CNTNAP5: variants seen among roughly 807,000 people sequenced by gnomAD.
CNTNAP5 encodes the protein contactin-associated protein-like 5.
Under a neutral mutation model 150.2 loss-of-function variants are expected in CNTNAP5, and 72 were observed. The observed-to-expected ratio is 0.48, with a 90% CI of 0.40 to 0.58. The LOEUF (loss-of-function observed/expected upper bound fraction) is 0.58, where lower values mean the gene tolerates loss of function less well. CNTNAP5 is among the 20% of genes least tolerant of loss of function. The probability of loss-of-function intolerance (pLI) is 0.00; values close to 1 mark genes in which losing one functional copy is unlikely to be tolerated. For missense variants in CNTNAP5, 1,636 were observed against 1,626.2 expected (o/e 1.01, Z -0.10); for synonymous variants, 672 against 619.8 (o/e 1.08, Z -1.25).
intron 1 of CNTNAP5, among the ~76,000 whole-genome samples, chr2:124,150,551 C>G (rs908443516): frequency 2.0e-5 from 3 of 152,102 alleles, no homozygotes; most frequent in African/African-American, 7.2e-5. Context: ...GGCTGGAAGT[C>G]CATGATGAGG....
chr2:124,772,572 C>G (rs72980437), intron 16 of CNTNAP5, among the ~76,000 whole-genome samples: 1,742 of 152,240 alleles, frequency 0.011, 41 homozygotes, highest in African/African-American at 0.04. Context: ...AGGTGCCTAT[C>G]CTGTTTCCTG....
chr2:124,224,427 TTAAG>T (rs1444727289), intron 2 of CNTNAP5, among the ~76,000 whole-genome samples: 3 of 152,058 alleles, frequency 2.0e-5, no homozygotes, highest in Non-Finnish European at 4.4e-5. Flanking sequence ...AATTATTTTG[TTAAG>T]TATGTCCAGA....
At chr2:124,140,148 A>T (rs1358196470) in intron 1 of CNTNAP5, among the ~76,000 whole-genome samples, 1 of 151,118 alleles carries the variant, frequency 6.6e-6, no homozygotes, top group Non-Finnish European at 1.5e-5. Flanking sequence ...ACACCCACGG[A>T]ATCTCGCTGA....
intron 1 of CNTNAP5, among the ~76,000 whole-genome samples, chr2:124,134,298 A>G (rs367981774): frequency 6.6e-6 from 1 of 152,138 alleles, no homozygotes; most frequent in African/African-American, 2.4e-5. Flanking sequence ...TGTGTATATT[A>G]AAGGGAAATA....
chr2:124,562,416 A>G (rs956488308), intron 10 of CNTNAP5, among the ~76,000 whole-genome samples: 2 of 152,162 alleles, frequency 1.3e-5, no homozygotes, highest in African/African-American at 4.8e-5. Context: ...TGTACTACAG[A>G]TTTCCTAAGT....
intron 3 of CNTNAP5, among the ~76,000 whole-genome samples, chr2:124,279,333 C>G (rs923745401): frequency 6.6e-6 from 1 of 151,846 alleles, no homozygotes; most frequent in Non-Finnish European, 1.5e-5. Context: ...AACCTCAAGT[C>G]ATATGATTGA....
chr2:124,278,981 T>G (rs533544460), intron 3 of CNTNAP5, among the ~76,000 whole-genome samples: 11 of 152,284 alleles, frequency 7.2e-5, no homozygotes, highest in Middle Eastern at 3.4e-3. Flanking sequence ...TGTTCGATAT[T>G]TACTGAACAC....
At chr2:124,368,769 C>T (rs1338061726) in intron 3 of CNTNAP5, among the ~76,000 whole-genome samples, 1 of 151,938 alleles carries the variant, frequency 6.6e-6, no homozygotes, top group East Asian at 1.9e-4. Flanking sequence ...GTTTGCATTC[C>T]TACTGCATAT....
At chr2:124,658,074 T>C (rs947099534) in intron 13 of CNTNAP5, among the ~76,000 whole-genome samples, 3 of 152,186 alleles carry the variant, frequency 2.0e-5, no homozygotes, top group Admixed American at 6.5e-5. Context: ...CTAGGGACAA[T>C]TGAGTGAATA....
chr2:124,062,806 T>G (rs1682046843), intron 1 of CNTNAP5, among the ~76,000 whole-genome samples: 1 of 152,042 alleles, frequency 6.6e-6, no homozygotes, highest in South Asian at 2.1e-4. Context: ...CTTGGGAGTT[T>G]TTTTGGTGTG....
At position 124,409,752 on chromosome 2, in the gene CNTNAP5, G is replaced by A. The variant is rs529891575; in HGVS notation, c.382-7691G>A. On this transcript the variant is annotated intron_variant, in intron 3 of 23. Transcript: ENST00000682447. Reference sequence around the variant, plus strand: ...GCGCTAAACATGGAAAGGAACAACCGGTACCAGCCGCTGCAAAATCAAGCC... The same window carrying A: ...GCGCTAAACATGGAAAGGAACAACCAGTACCAGCCGCTGCAAAATCAAGCC... Among the ~76,000 whole-genome samples the A allele has an allele frequency of 2.9e-3, 443 of 151,032 alleles. 2 individuals are homozygous for A. Among genetic ancestry groups the A allele is most frequent in the African/African-American group, 0.01 (416 of 41,096 alleles).
chr2:124,124,284 A>T (rs994007699), intron 1 of CNTNAP5, among the ~76,000 whole-genome samples: 7 of 152,214 alleles, frequency 4.6e-5, no homozygotes, highest in East Asian at 1.9e-4. Context: ...TCAGTAGATG[A>T]TTTGATCAAG....
Position 124,333,593 on chromosome 2 carries a change from A to G in CNTNAP5, c.382-83850A>G, listed in dbSNP as rs554709270. 5.3e-5 allele frequency among the ~76,000 whole-genome samples: 8 copies of G among 152,346 alleles called. No individual in the cohort carries two copies. In the East Asian group the frequency reaches 1.4e-3, roughly 26 times the overall value. ...AGAAAGTATACAAATGAGAGCCTAT[A>G]AGAAAAGTTTAGAAGCCTGTTTTAA... On this transcript the variant is annotated intron_variant, in intron 3 of 23. Coordinates refer to ENST00000682447, the MANE Select transcript of CNTNAP5 (RefSeq NM_001367498.1).
chr2:124,066,341 T>C (rs1162102411), intron 1 of CNTNAP5, among the ~76,000 whole-genome samples: 2 of 152,234 alleles, frequency 1.3e-5, no homozygotes, highest in Non-Finnish European at 1.5e-5. Flanking sequence ...TTAAATCTAA[T>C]GTAGACTTCA....
intron 5 of CNTNAP5, among the ~76,000 whole-genome samples, chr2:124,437,915 G>C (rs533175592): frequency 6.6e-6 from 1 of 152,242 alleles, no homozygotes; most frequent in South Asian, 2.1e-4. Flanking sequence ...CTCCTTTAGT[G>C]ACAATTCTTC....
chr2:124,378,103 C>T (rs1690698417), intron 3 of CNTNAP5, among the ~76,000 whole-genome samples: 1 of 152,082 alleles, frequency 6.6e-6, no homozygotes, highest in Non-Finnish European at 1.5e-5. Context: ...CTGATGCTTA[C>T]TTAAAAGCTT....
At chr2:124,068,228 C>G (rs1215130339) in intron 1 of CNTNAP5, among the ~76,000 whole-genome samples, 3 of 152,172 alleles carry the variant, frequency 2.0e-5, no homozygotes, top group African/African-American at 7.2e-5. Flanking sequence ...GGCACTACCC[C>G]TTTCTACCCC....
intron 8 of CNTNAP5, among the ~76,000 whole-genome samples, chr2:124,511,762 C>G (rs1023766129): frequency 6.6e-5 from 10 of 152,148 alleles, no homozygotes; most frequent in Admixed American, 5.9e-4. Context: ...TCATGCTACC[C>G]AACTCCCAAA....
intron 13 of CNTNAP5, among the ~76,000 whole-genome samples, chr2:124,734,030 C>T (rs1018121485): frequency 6.6e-6 from 1 of 152,118 alleles, no homozygotes; most frequent in Non-Finnish European, 1.5e-5. Flanking sequence ...TAGCAATGTG[C>T]TACTCGTTTG....
Sources: allele counts gnomAD v4.1 joint callset (sites outside exome capture counted in the v4.1 genomes callset), GRCh38; gene constraint gnomAD v4.1.1; transcripts MANE v1.5; gene names NCBI Gene and HGNC (gene_info 2026-07-23, HGNC 2026-07-21).